The following HEATR5B variants were observed in gnomAD, a reference collection of about 807,000 sequenced individuals.
The protein encoded by HEATR5B is HEAT repeat-containing protein 5B.
HEATR5B carries 156 observed loss-of-function variants against 224.1 expected under a neutral mutation model. The ratio of observed to expected loss-of-function variants is 0.70; its 90% CI spans 0.61 to 0.80. HEATR5B has a LOEUF of 0.80. HEATR5B is among the 30% of genes least tolerant of loss of function. The probability of loss-of-function intolerance (pLI) is 0.00; values close to 1 mark genes in which losing one functional copy is unlikely to be tolerated. For missense variants in HEATR5B, 2,323 were observed against 2,535.5 expected, an observed-to-expected ratio of 0.92 and a Z score of 1.80; for synonymous variants, 1,027 against 893.0, an observed-to-expected ratio of 1.15 and a Z score of -2.68.
intron 2 of HEATR5B, among the ~76,000 whole-genome samples, chr2:37,080,634 A>C (rs1672496816): frequency 6.6e-6 from 1 of 152,168 alleles, no homozygotes; most frequent in African/African-American, 2.4e-5. Flanking sequence ...AGAAATCAAG[A>C]ATTTGGTTTG....
intron 35 of HEATR5B, among the ~76,000 whole-genome samples, chr2:36,984,200 C>CAAAAAAAAAAAAA (rs1208435239): frequency 0.015 from 426 of 28,456 alleles, 2 homozygotes; most frequent in Non-Finnish European, 0.023. Flanking sequence ...AACTCTGTCT[C>CAAAAAAAAAAAAA]AAAAAAAAAA....
intron 16 of HEATR5B, among the ~76,000 whole-genome samples, chr2:37,054,627 G>A (rs538832762): frequency 6.6e-6 from 1 of 151,340 alleles, no homozygotes. Flanking sequence ...TGGGACTACA[G>A]GTGTTCGCCA....
At chr2:37,016,350 A>T (rs1045885904) in intron 26 of HEATR5B, among the ~76,000 whole-genome samples, 1 of 152,018 alleles carries the variant, frequency 6.6e-6, no homozygotes, top group Non-Finnish European at 1.5e-5. Context: ...TGACCTCGTG[A>T]TCTGCCTGCC....
Position 37,022,681 on chromosome 2 carries a change from A to C in HEATR5B, c.3854-1845T>G, listed in dbSNP as rs375492431. Reference sequence around the variant, plus strand: ...TCAGGAAACTTAAATCTACAAAATAAGAAGGAAACGACCTTTATAATAAGA... The same window carrying C: ...TCAGGAAACTTAAATCTACAAAATACGAAGGAAACGACCTTTATAATAAGA... On this transcript the variant is annotated intron_variant, in intron 24 of 35. Transcript: ENST00000233099. Among the ~76,000 whole-genome samples, 11 of 152,236 alleles carry C rather than the reference A, an allele frequency of 7.2e-5. No homozygotes were observed. The East Asian group carries it at 1.7e-3, about 24-fold the overall frequency.
At position 37,028,119 on chromosome 2, in the gene HEATR5B, T is replaced by A. The variant is rs199899468; in HGVS notation, c.3657A>T (p.Lys1219Asn). The A allele has an allele frequency of 1.9e-6, 3 of 1,611,954 alleles. No homozygotes were observed. The African/African-American group carries it at 4.0e-5, about 22-fold the overall frequency. The change falls in exon 24 of 36, where the codon AAA (lysine) becomes AAT (asparagine). Residue 1219 changes from lysine (K) to asparagine (N), a missense_variant. By Grantham distance (94) the Lys-to-Asn change is moderately conservative (BLOSUM62 0). Coordinates refer to ENST00000233099, the MANE Select transcript of HEATR5B (RefSeq NM_019024.3). ...SSGKDEEAEK[K>N]DEMDDDTMFT... ...ACATGGTATCATCATCCATCTCATC[T>A]TTCTTTTCAGCTTCTTCATCTTTTC...
intron 20 of HEATR5B, among the ~76,000 whole-genome samples, chr2:37,038,760 C>A (rs1006520340): frequency 1.6e-4 from 23 of 146,604 alleles, no homozygotes; most frequent in Non-Finnish European, 2.4e-4. Context: ...GCCTGGCCAA[C>A]ATAGTGGAAC....
At chr2:37,000,513 G>C in intron 33 of HEATR5B, 73 bp downstream of exon 33, 1 of 1,182,280 alleles carries the variant, frequency 8.5e-7, no homozygotes, top group Non-Finnish European at 1.3e-6. Flanking sequence ...TTTCTGATAA[G>C]CTTATTCAAC....
intron 28 of HEATR5B, 99 bp downstream of exon 28, chr2:37,008,512 G>T (rs757570750): frequency 1.2e-6 from 1 of 823,042 alleles, no homozygotes; most frequent in East Asian, 2.4e-5. Context: ...AATTTAAACT[G>T]TTACTATAGC....
At chr2:37,077,110 A>G in intron 3 of HEATR5B, 91 bp from the exon 4 acceptor site, 1 of 1,112,474 alleles carries the variant, frequency 9.0e-7, no homozygotes, top group Non-Finnish European at 1.3e-6. Context: ...GCATTTGTCT[A>G]GGACACTTTT....
chr2:37,057,181 T>C, intron 15 of HEATR5B, 136 bp downstream of exon 15: 1 of 547,136 alleles, frequency 1.8e-6, no homozygotes, highest in African/African-American at 2.0e-5. Flanking sequence ...ACCACCAGGA[T>C]GCCATCTTTA....
At position 37,078,417 on chromosome 2, in the gene HEATR5B, T is replaced by C. The variant is rs1170709637; in HGVS notation, c.338+703A>G. The stretch of plus-strand genomic sequence containing the variant: ...CCCATGGATCCACTGGAAATACATA[T>C]GAATGTATAATCAATTCTACTTAAC... On this transcript the variant is annotated intron_variant, in intron 3 of 35. Coordinates refer to ENST00000233099, the MANE Select transcript of HEATR5B (RefSeq NM_019024.3). Among the ~76,000 whole-genome samples the C allele has an allele frequency of 2.6e-5, 4 of 152,334 alleles. No individual in the cohort carries two copies. The East Asian group carries it at 5.8e-4, about 22-fold the overall frequency.
intron 18 of HEATR5B, 32 bp from the exon 19 acceptor site, chr2:37,041,324 T>A: frequency 1.2e-6 from 2 of 1,607,256 alleles, no homozygotes; most frequent in Non-Finnish European, 1.7e-6. Flanking sequence ...AAGCACTAAC[T>A]TTGCTATTTC....
intron 33 of HEATR5B, 57 bp from the exon 34 acceptor site, chr2:36,990,856 T>G (rs1345151416): frequency 7.0e-7 from 1 of 1,430,756 alleles, no homozygotes; most frequent in Non-Finnish European, 9.4e-7. Context: ...GCATTTTATT[T>G]TTTTATTTTT....
intron 13 of HEATR5B, 40 bp downstream of exon 13, chr2:37,058,848 T>A: frequency 8.5e-7 from 1 of 1,180,178 alleles, no homozygotes; most frequent in Non-Finnish European, 1.2e-6. Context: ...ATTATTAATA[T>A]ATAAAATAGG....
chr2:37,002,215 A>C, intron 32 of HEATR5B, 91 bp downstream of exon 32: 1 of 1,371,090 alleles, frequency 7.3e-7, no homozygotes, highest in Admixed American at 2.1e-5. Context: ...TTTAAGAGGA[A>C]ACTGGGTTAT....
At chr2:36,997,040 T>G (rs1338158822) in intron 33 of HEATR5B, among the ~76,000 whole-genome samples, 1 of 152,194 alleles carries the variant, frequency 6.6e-6, no homozygotes, top group Non-Finnish European at 1.5e-5. Flanking sequence ...TTTCACCTAT[T>G]GGTGAGTAAG....
intron 22 of HEATR5B, among the ~76,000 whole-genome samples, chr2:37,030,113 G>A (rs1418536267): frequency 6.6e-6 from 1 of 152,084 alleles, no homozygotes; most frequent in African/African-American, 2.4e-5. Context: ...TTAAGAATGA[G>A]TATTATTACG....
chr2:37,081,745 G>A (rs905244934), intron 2 of HEATR5B, among the ~76,000 whole-genome samples: 3 of 152,116 alleles, frequency 2.0e-5, no homozygotes, highest in Non-Finnish European at 4.4e-5. Flanking sequence ...TTGCGGTCTG[G>A]GAAAACTGCA....
At chr2:37,063,420 G>C (rs1671402746) in intron 10 of HEATR5B, among the ~76,000 whole-genome samples, 1 of 152,184 alleles carries the variant, frequency 6.6e-6, no homozygotes, top group African/African-American at 2.4e-5. Context: ...CAAATTATAA[G>C]ATACCAGTTT....
Sources: gnomAD v4.1 joint callset for allele counts (sites outside exome capture counted in the v4.1 genomes callset) on GRCh38, gnomAD v4.1.1 for gene constraint, MANE v1.5 for transcripts, NCBI Gene and HGNC (gene_info 2026-07-23, HGNC 2026-07-21) for gene names.